The following CLNK variants were observed in gnomAD, a reference collection of about 807,000 sequenced individuals.
CLNK encodes cytokine dependent hematopoietic cell linker.
In CLNK, 74 loss-of-function variants were observed where a neutral mutation model predicts 68.6. That is an observed-to-expected ratio of 1.08 (90% CI 0.89 to 1.31). The LOEUF (loss-of-function observed/expected upper bound fraction) is 1.31. Ranked by LOEUF, CLNK falls within the 50% of genes most tolerant of loss-of-function variation. CLNK has a pLI of 0.00. For synonymous variants in CLNK, 198 were observed against 172.2 expected (o/e 1.15, Z -1.17); for missense variants, 553 against 515.3 (o/e 1.07, Z -0.71).
At chr4:10,491,910 C>A (rs935613091) in intron 18 of CLNK, among the ~76,000 whole-genome samples, 1 of 152,132 alleles carries the variant, frequency 6.6e-6, no homozygotes, top group Admixed American at 6.5e-5. Flanking sequence ...GGTGATTTTT[C>A]ATCCCTTAGC....
chr4:10,602,680 G>A (rs752947282), intron 2 of CLNK, among the ~76,000 whole-genome samples: 8 of 152,166 alleles, frequency 5.3e-5, no homozygotes, highest in Non-Finnish European at 1.2e-4. Flanking sequence ...TTACGTTTGT[G>A]GCAATTTGTT....
At chr4:10,548,809 C>T (rs555993152) in intron 8 of CLNK, among the ~76,000 whole-genome samples, 9 of 152,234 alleles carry the variant, frequency 5.9e-5, no homozygotes, top group East Asian at 1.9e-4. Context: ...TTCCTGATGC[C>T]TTCATCAAAA....
At chr4:10,721,271 G>T in the CLNK span, among the ~76,000 whole-genome samples, 1 of 151,564 alleles carries the variant, frequency 6.6e-6, no homozygotes, top group African/African-American at 2.4e-5. Flanking sequence ...TGACTGTATC[G>T]ACTGCATGCC....
chr4:10,625,888 G>C (rs1031892693), intron 2 of CLNK, among the ~76,000 whole-genome samples: 2 of 152,184 alleles, frequency 1.3e-5, no homozygotes, highest in African/African-American at 4.8e-5. Flanking sequence ...ATATGGGGAA[G>C]GAATTCTCTA....
At chr4:10,494,328 T>C (rs550981764) in intron 18 of CLNK, among the ~76,000 whole-genome samples, 1 of 152,336 alleles carries the variant, frequency 6.6e-6, no homozygotes, top group African/African-American at 2.4e-5. Context: ...TGTTTTAAGA[T>C]TGTCCCAAAA....
At chr4:10,617,553 C>A (rs1722284545) in intron 2 of CLNK, among the ~76,000 whole-genome samples, 1 of 152,102 alleles carries the variant, frequency 6.6e-6, no homozygotes. Context: ...GGTAGTTATG[C>A]AAAACTCTCT....
intron 2 of CLNK, among the ~76,000 whole-genome samples, chr4:10,641,881 G>C (rs1723320949): frequency 6.6e-6 from 1 of 152,186 alleles, no homozygotes; most frequent in Non-Finnish European, 1.5e-5. Flanking sequence ...CATGAGATCT[G>C]ATGGTTTTAC....
At chr4:10,533,409 A>T (rs1718629031) in intron 11 of CLNK, among the ~76,000 whole-genome samples, 1 of 152,224 alleles carries the variant, frequency 6.6e-6, no homozygotes, top group Admixed American at 6.5e-5. Flanking sequence ...AAAACACTGG[A>T]TCTGAAGAAT....
chr4:10,695,857 AGAGCTTTTTTTTTTTTTT>A, the CLNK span, among the ~76,000 whole-genome samples: 13 of 151,592 alleles, frequency 8.6e-5, no homozygotes, highest in Admixed American at 7.9e-4. Context: ...GATCACAATT[AGAGCTTTTTTTTTTTTTT>A]GACAGGGTCT....
At chr4:10,535,136 G>C (rs1718692695) in intron 11 of CLNK, among the ~76,000 whole-genome samples, 1 of 151,414 alleles carries the variant, frequency 6.6e-6, no homozygotes, top group Non-Finnish European at 1.5e-5. Flanking sequence ...ACTGCCTGAG[G>C]CCAGGAGTTT....
chr4:10,704,910 C>T, the CLNK span, among the ~76,000 whole-genome samples: 1 of 152,226 alleles, frequency 6.6e-6, no homozygotes, highest in African/African-American at 2.4e-5. Flanking sequence ...ACTTCTTCCT[C>T]TCTTAAATTC....
chr4:10,500,496 C>T (rs1344571939), intron 18 of CLNK, among the ~76,000 whole-genome samples: 2 of 152,124 alleles, frequency 1.3e-5, no homozygotes, highest in African/African-American at 2.4e-5. Flanking sequence ...GCCTGACCAA[C>T]ATGGTGAAAC....
intron 13 of CLNK, among the ~76,000 whole-genome samples, chr4:10,527,723 G>C (rs962985607): frequency 6.6e-6 from 1 of 152,194 alleles, no homozygotes; most frequent in African/African-American, 2.4e-5. Flanking sequence ...ACGTGTGTGT[G>C]CATGGGTGAC....
chr4:10,724,589 C>G, the CLNK span, among the ~76,000 whole-genome samples: 14 of 152,076 alleles, frequency 9.2e-5, no homozygotes, highest in East Asian at 2.3e-3. Context: ...GGACAGCAAC[C>G]CTGTATGTGT....
intron 2 of CLNK, among the ~76,000 whole-genome samples, chr4:10,629,096 A>G (rs1299528062): frequency 1.3e-5 from 2 of 152,058 alleles, no homozygotes; most frequent in East Asian, 1.9e-4. Flanking sequence ...ACCAGCTCCC[A>G]TGCCCCCATT....
intron 2 of CLNK, among the ~76,000 whole-genome samples, chr4:10,656,800 A>AC (rs1724006699): frequency 6.6e-6 from 1 of 152,188 alleles, no homozygotes; most frequent in South Asian, 2.1e-4. Flanking sequence ...TTAGGAAACA[A>AC]CTCAAGTGTC....
chr4:10,580,646 T>A lies in CLNK; in HGVS notation c.112+4281A>T, dbSNP rs536486189. Among the ~76,000 whole-genome samples the A allele has an allele frequency of 4.4e-3, 674 of 151,536 alleles. 6 individuals are homozygous for A. The highest frequency in any genetic ancestry group is 0.016 in the African/African-American group (641 of 41,316). ...AAAACATTTAAAAAGTAAAAAAAAATAAAATAAAAATTAAAAAATTAAAAA... is the reference window on the plus strand; with the variant it reads ...AAAACATTTAAAAAGTAAAAAAAAAAAAAATAAAAATTAAAAAATTAAAAA... On this transcript the variant is annotated intron_variant, in intron 4 of 18. Transcript: ENST00000226951.
intron 1 of CLNK, among the ~76,000 whole-genome samples, chr4:10,681,745 A>G (rs1302376262): frequency 2.6e-5 from 4 of 152,220 alleles, no homozygotes; most frequent in South Asian, 2.1e-4. Flanking sequence ...ACCTGGGAAC[A>G]TCAGCAGGGT....
chr4:10,537,687 C>CT (rs1718839821), intron 11 of CLNK, among the ~76,000 whole-genome samples: 4 of 58,234 alleles, frequency 6.9e-5, no homozygotes, highest in East Asian at 5.4e-4. Flanking sequence ...TTCTTCCTTC[C>CT]TTCCTTCCTT....
Sources: gnomAD v4.1 joint callset for allele counts (sites outside exome capture counted in the v4.1 genomes callset) on GRCh38, gnomAD v4.1.1 for gene constraint, MANE v1.5 for transcripts, NCBI Gene and HGNC (gene_info 2026-07-23, HGNC 2026-07-21) for gene names.